NWD2: variants seen among roughly 807,000 people sequenced by gnomAD.
NWD2 encodes the protein NACHT and WD repeat domain containing 2.
Under a neutral mutation model 132.7 loss-of-function variants are expected in NWD2, and 37 were observed. The observed-to-expected ratio is 0.28, with a 90% CI of 0.21 to 0.37. NWD2 has a LOEUF of 0.37. Ranked by LOEUF, NWD2 falls within the 10% of genes least tolerant of loss-of-function variation. The pLI is 1.00. For synonymous variants in NWD2, 705 were observed against 803.0 expected (o/e 0.88, Z 2.06); for missense variants, 1,592 against 2,122.4 (o/e 0.75, Z 4.91).
chr4:37,296,699 A>G (rs1718502877), intron 1 of NWD2, among the ~76,000 whole-genome samples: 1 of 151,996 alleles, frequency 6.6e-6, no homozygotes, highest in Non-Finnish European at 1.5e-5. Flanking sequence ...GCCAGAGTGG[A>G]TGGGGACCTA....
At chr4:37,268,299 A>G (rs932728738) in intron 1 of NWD2, among the ~76,000 whole-genome samples, 1 of 151,990 alleles carries the variant, frequency 6.6e-6, no homozygotes, top group African/African-American at 2.4e-5. Context: ...AAACCTGTGA[A>G]CTTTTAAGGT....
chr4:37,272,421 A>G (rs1717890975), intron 1 of NWD2, among the ~76,000 whole-genome samples: 1 of 151,808 alleles, frequency 6.6e-6, no homozygotes, highest in African/African-American at 2.4e-5. Context: ...CCTGGGCTGC[A>G]GTTTTCTTTG....
chr4:37,420,613 G>C (rs1303496089), intron 3 of NWD2, among the ~76,000 whole-genome samples: 2 of 152,214 alleles, frequency 1.3e-5, no homozygotes, highest in Admixed American at 6.5e-5. Flanking sequence ...AACCCAGAAG[G>C]TGGAGGTTGC....
rs756006194 is a variant in NWD2 at position 37,433,957 on chromosome 4, G to A, written c.643G>A (p.Val215Ile). The change falls in exon 5 of 7, where the codon GTA becomes ATA. Residue 215 changes from valine (V) to isoleucine (I), a missense_variant. This residue lies in a region of NWD2 where 144 missense variants were observed against 185.7 expected (regional missense o/e 0.78). Transcript: ENST00000309447. ...DEIKKIFKAAVKLLHEKGKMK... is the reference protein window; with the variant it reads ...DEIKKIFKAAIKLLHEKGKMK... ...GATCAAGAAGATATTTAAGGCTGCT[G>A]TAAAGCTGTTACACGAAAAGGGTAA... The A allele has an allele frequency of 1.1e-5, 17 of 1,550,622 alleles. No individual in the cohort carries two copies. Among genetic ancestry groups the A allele is most frequent in the Non-Finnish European group, 1.5e-5 (17 of 1,146,342 alleles).
chr4:37,415,899 A>G (rs1474529065), intron 3 of NWD2, among the ~76,000 whole-genome samples: 1 of 152,202 alleles, frequency 6.6e-6, no homozygotes, highest in African/African-American at 2.4e-5. Context: ...TCAAGTTCTC[A>G]GGCCCATGAT....
At chr4:37,321,756 A>G (rs929642477) in intron 1 of NWD2, among the ~76,000 whole-genome samples, 1 of 152,300 alleles carries the variant, frequency 6.6e-6, no homozygotes, top group African/African-American at 2.4e-5. Context: ...TCCTATCTTA[A>G]TTACTTTTTC....
intron 1 of NWD2, among the ~76,000 whole-genome samples, chr4:37,286,300 G>A (rs1231186744): frequency 2.0e-5 from 3 of 152,192 alleles, no homozygotes; most frequent in South Asian, 2.1e-4. Context: ...ATATCCTAGA[G>A]TTGAAATATC....
At chr4:37,314,203 A>G (rs1718911994) in intron 1 of NWD2, among the ~76,000 whole-genome samples, 2 of 152,318 alleles carry the variant, frequency 1.3e-5, no homozygotes, top group South Asian at 2.1e-4. Context: ...ATAGTTTGTT[A>G]AGGACTTTGC....
intron 1 of NWD2, among the ~76,000 whole-genome samples, chr4:37,274,919 G>A (rs543037935): frequency 1.3e-3 from 193 of 151,986 alleles, no homozygotes; most frequent in African/African-American, 4.3e-3. Context: ...AGGTAATGAT[G>A]GGACATATCT....
intron 3 of NWD2, among the ~76,000 whole-genome samples, chr4:37,421,413 T>C (rs1419596331): frequency 6.6e-6 from 1 of 152,200 alleles, no homozygotes; most frequent in African/African-American, 2.4e-5. Context: ...TAAAGAATAA[T>C]GGTTGTGTTC....
intron 1 of NWD2, among the ~76,000 whole-genome samples, chr4:37,291,746 A>G (rs1358825230): frequency 6.6e-6 from 1 of 152,112 alleles, no homozygotes. Context: ...GTAAAACTGT[A>G]TCAGTGTTTT....
intron 3 of NWD2, among the ~76,000 whole-genome samples, chr4:37,399,396 A>G (rs993828146): frequency 6.6e-6 from 1 of 152,226 alleles, no homozygotes; most frequent in East Asian, 1.9e-4. Flanking sequence ...CTTGGTTAAG[A>G]TAAGTATTTT....
At chr4:37,335,493 A>G (rs1289199847) in intron 2 of NWD2, among the ~76,000 whole-genome samples, 2 of 152,076 alleles carry the variant, frequency 1.3e-5, no homozygotes, top group Admixed American at 6.6e-5. Context: ...GAAGTTAGCA[A>G]TCACATTATT....
At chr4:37,436,026 G>T (rs1712312484) in intron 5 of NWD2, among the ~76,000 whole-genome samples, 1 of 152,058 alleles carries the variant, frequency 6.6e-6, no homozygotes, top group Admixed American at 6.6e-5. Flanking sequence ...CACACTTCTA[G>T]TTTCACCTTT....
intron 1 of NWD2, among the ~76,000 whole-genome samples, chr4:37,273,399 C>T (rs971839804): frequency 6.6e-6 from 1 of 152,140 alleles, no homozygotes. Flanking sequence ...AATATATGTG[C>T]ACCCAATACA....
intron 2 of NWD2, among the ~76,000 whole-genome samples, chr4:37,345,007 G>T (rs901964579): frequency 1.3e-5 from 2 of 152,078 alleles, no homozygotes; most frequent in Non-Finnish European, 2.9e-5. Context: ...TTTACTTAAT[G>T]CTTTCAAGGT....
intron 1 of NWD2, among the ~76,000 whole-genome samples, chr4:37,314,686 C>A (rs1718923086): frequency 6.6e-6 from 1 of 152,120 alleles, no homozygotes; most frequent in South Asian, 2.1e-4. Context: ...ACCTAGCTGA[C>A]AGTTGATAAT....
At chr4:37,297,795 A>C (rs1239667679) in intron 1 of NWD2, among the ~76,000 whole-genome samples, 1 of 152,182 alleles carries the variant, frequency 6.6e-6, no homozygotes, top group African/African-American at 2.4e-5. Flanking sequence ...TGTTTTTGGC[A>C]GGAACATTAC....
At chr4:37,422,278 C>T (rs142924157) in intron 3 of NWD2, among the ~76,000 whole-genome samples, 1 of 152,318 alleles carries the variant, frequency 6.6e-6, no homozygotes, top group African/African-American at 2.4e-5. Context: ...GGGTTGCCGC[C>T]TGCCCTTAAA....
Sources: allele counts gnomAD v4.1 joint callset (sites outside exome capture counted in the v4.1 genomes callset), GRCh38; gene constraint gnomAD v4.1.1; regional missense constraint gnomAD v4.1.1; transcripts MANE v1.5; gene names NCBI Gene and HGNC (gene_info 2026-07-23, HGNC 2026-07-21).